Variants in AFTPH observed in about 807,000 individuals in gnomAD.
The protein encoded by AFTPH is aftiphilin.
Under a neutral mutation model 72.5 loss-of-function variants are expected in AFTPH, and 7 were observed. The ratio of observed to expected loss-of-function variants is 0.10; its 90% CI spans 0.05 to 0.18. The LOEUF (loss-of-function observed/expected upper bound fraction) is 0.18. AFTPH is among the 10% of genes least tolerant of loss of function. The pLI is 1.00. For missense variants in AFTPH, 979 were observed against 1,060.5 expected (o/e 0.92, Z 1.07); for synonymous variants, 337 against 370.1 (o/e 0.91, Z 1.03).
intron 6 of AFTPH, among the ~76,000 whole-genome samples, chr2:64,578,723 A>G (rs77909288): frequency 8.7e-6 from 1 of 114,574 alleles, no homozygotes; most frequent in Non-Finnish European, 1.8e-5. Flanking sequence ...ATGCCTGGCT[A>G]ATTTTTTTTT....
rs373579281 is a variant in AFTPH, at chr2:64,581,284, T to C, written c.2455+1738T>C. 4.4e-6 allele frequency: 7 copies of C among 1,575,004 alleles called. No individual in the cohort carries two copies. In the African/African-American group the frequency reaches 9.5e-5, roughly 21 times the overall value. On this transcript the variant is annotated intron_variant, in intron 7 of 8. Coordinates refer to ENST00000238856, the Ensembl canonical transcript of AFTPH. ...GCACCACAATCCCAGGTCAGCAGAG[T>C]GTTAAAACCACAATTCCAGTTTATT... is the stretch of plus-strand genomic sequence containing the variant.
chr2:64,585,468 C>A (rs1673449922), exon 8 of AFTPH: 1 of 1,613,714 alleles, frequency 6.2e-7, no homozygotes, highest in Non-Finnish European at 8.5e-7. Context: ...AGCTGGAAAT[C>A]TCCACCTCAA....
rs13393609 is a variant in AFTPH at position 64,565,086 on chromosome 2, G to A, written c.1936-2476G>A. Among the ~76,000 whole-genome samples the A allele has an allele frequency of 1.2e-4, 18 of 151,982 alleles. No individual in the cohort carries two copies. In the East Asian group the frequency reaches 3.5e-3, roughly 30 times the overall value. ...ACTCCTGAGCTCAAGCAATCCACCC[G>A]CCTCGGCTTCCCAAAGTGCTGGGAT... is the stretch of plus-strand genomic sequence containing the variant. On this transcript the variant is annotated intron_variant, in intron 2 of 8. Coordinates refer to ENST00000238856, the Ensembl canonical transcript of AFTPH.
intron 2 of AFTPH, among the ~76,000 whole-genome samples, chr2:64,558,930 C>T (rs1442902954): frequency 6.6e-6 from 1 of 152,082 alleles, no homozygotes; most frequent in Non-Finnish European, 1.5e-5. Context: ...ATCTAATGTA[C>T]ACATCTTTAG....
chr2:64,559,263 A>G (rs1306565835), intron 2 of AFTPH, among the ~76,000 whole-genome samples: 1 of 152,116 alleles, frequency 6.6e-6, no homozygotes, highest in Admixed American at 6.5e-5. Flanking sequence ...CAGAACCAAT[A>G]GGGTATGTGT....
chr2:64,566,647 A>T (rs1672108149), intron 2 of AFTPH, among the ~76,000 whole-genome samples: 1 of 152,086 alleles, frequency 6.6e-6, no homozygotes, highest in Non-Finnish European at 1.5e-5. Context: ...AAAATATATT[A>T]CATGTATCTG....
intron 6 of AFTPH, among the ~76,000 whole-genome samples, chr2:64,573,305 A>G (rs1340104611): frequency 6.6e-6 from 1 of 152,178 alleles, no homozygotes; most frequent in Non-Finnish European, 1.5e-5. Context: ...TAAGTTCTTA[A>G]AACTATCCAG....
chr2:64,541,723 T>A (rs943061185), intron 1 of AFTPH, among the ~76,000 whole-genome samples: 70 of 152,206 alleles, frequency 4.6e-4, no homozygotes, highest in African/African-American at 1.6e-3. Flanking sequence ...GCAACACTTG[T>A]AATGTAAATT....
At chr2:64,567,322 A>G (rs943944681) in intron 2 of AFTPH, among the ~76,000 whole-genome samples, 1 of 152,198 alleles carries the variant, frequency 6.6e-6, no homozygotes, top group Non-Finnish European at 1.5e-5. Context: ...AGTAGCAGGT[A>G]TATTGCTTGG....
At chr2:64,592,097 A>G in exon 9 of AFTPH, 1 of 1,474,936 alleles carries the variant, frequency 6.8e-7, no homozygotes, top group Non-Finnish European at 9.2e-7. Context: ...CTACCATCAA[A>G]AGCATACCTG....
intron 1 of AFTPH, among the ~76,000 whole-genome samples, chr2:64,537,182 A>G (rs1669943888): frequency 6.6e-6 from 1 of 152,180 alleles, no homozygotes; most frequent in South Asian, 2.1e-4. Context: ...ATATCTTTGT[A>G]TATTTGCATG....
intron 7 of AFTPH, chr2:64,580,158 A>G (rs571167490): frequency 1.2e-4 from 19 of 152,784 alleles, no homozygotes; most frequent in African/African-American, 4.6e-4. Flanking sequence ...AACTTATTTC[A>G]GTAATGTAAT....
At chr2:64,540,087 G>A (rs998564370) in intron 1 of AFTPH, among the ~76,000 whole-genome samples, 1 of 152,112 alleles carries the variant, frequency 6.6e-6, no homozygotes, top group Admixed American at 6.6e-5. Context: ...ACAAGATTGT[G>A]GATGTAAGCA....
At chr2:64,589,999 T>C (rs1239246172) in intron 8 of AFTPH, among the ~76,000 whole-genome samples, 1 of 150,514 alleles carries the variant, frequency 6.6e-6, no homozygotes, top group African/African-American at 2.4e-5. Context: ...CATAGTGAAT[T>C]GACCTCTAAA....
At chr2:64,569,103 A>G in exon 4 of AFTPH, 2 of 1,614,064 alleles carry the variant, frequency 1.2e-6, no homozygotes, top group Non-Finnish European at 8.5e-7. Context: ...GAATTGCTAG[A>G]TGTGTGGACT....
Position 64,549,308 on chromosome 2 carries a change from C to CTTTTTTTTTTTTTT in AFTPH, c.-32-2118_-32-2105dup, listed in dbSNP as rs34951706. ...CTAGGACTTTGGCTGTTAGTCCTCC[C>CTTTTTTTTTTTTTT]TTTTTTTTTTTTTTTTTTTTTTTTT... On this transcript the variant is annotated intron_variant, in intron 1 of 8. Coordinates refer to ENST00000238856, the Ensembl canonical transcript of AFTPH. Among the ~76,000 whole-genome samples, 13 of 56,026 alleles carry CTTTTTTTTTTTTTT rather than the reference C, an allele frequency of 2.3e-4. 1 individual carries two copies. The highest frequency in any genetic ancestry group is 6.7e-4 in the African/African-American group (11 of 16,394). The allele number at this position is 56,026 out of a possible 152,430, so 36.8% of individuals were successfully genotyped here.
chr2:64,551,916 G>C (rs1220547491), exon 2 of AFTPH: 11 of 1,613,608 alleles, frequency 6.8e-6, no homozygotes, highest in East Asian at 2.2e-5. Flanking sequence ...TGGAACACTT[G>C]AAAGTTTCTC....
At chr2:64,564,295 C>A (rs1671919523) in intron 2 of AFTPH, among the ~76,000 whole-genome samples, 1 of 152,122 alleles carries the variant, frequency 6.6e-6, no homozygotes, top group South Asian at 2.1e-4. Flanking sequence ...TCATTTATTT[C>A]ATTCCCTGGC....
chr2:64,552,266 C>G (rs1280104309), exon 2 of AFTPH: 1 of 1,613,956 alleles, frequency 6.2e-7, no homozygotes, highest in Admixed American at 1.7e-5. Context: ...TTCGGGAAAA[C>G]AATAAAATTA....
Sources: allele counts gnomAD v4.1 joint callset (sites outside exome capture counted in the v4.1 genomes callset), GRCh38; gene constraint gnomAD v4.1.1; transcripts MANE v1.5; gene names NCBI Gene and HGNC (gene_info 2026-07-23, HGNC 2026-07-21).